Variants in GTF2E2 observed in about 807,000 individuals in gnomAD.
GTF2E2 encodes transcription initiation factor IIE subunit beta.
Under a neutral mutation model 40.5 loss-of-function variants are expected in GTF2E2, and 21 were observed. That is an observed-to-expected ratio of 0.52 (90% CI 0.37 to 0.75). The LOEUF is 0.75. GTF2E2 is among the 30% of genes least tolerant of loss of function. GTF2E2 has a pLI of 0.00. For missense variants in GTF2E2, 298 were observed against 338.4 expected (o/e 0.88, Z 0.94); for synonymous variants, 117 against 121.6 (o/e 0.96, Z 0.25).
At chr8:30,623,743 G>C (rs1414809979) in intron 3 of GTF2E2, among the ~76,000 whole-genome samples, 3 of 152,018 alleles carry the variant, frequency 2.0e-5, no homozygotes, top group Non-Finnish European at 2.9e-5. Context: ...TTGTGGTTTT[G>C]ATTTGCATTT....
intron 3 of GTF2E2, among the ~76,000 whole-genome samples, chr8:30,626,135 A>G (rs1464530867): frequency 1.3e-5 from 2 of 152,224 alleles, no homozygotes; most frequent in East Asian, 3.8e-4. Flanking sequence ...TTACACACCA[A>G]GAGTCAACTG....
intron 6 of GTF2E2, among the ~76,000 whole-genome samples, chr8:30,586,078 AAAC>A (rs958355111): frequency 7.9e-5 from 12 of 152,222 alleles, no homozygotes; most frequent in East Asian, 1.9e-4. Context: ...CCTGTCTCTA[AAAC>A]AACAACAACA....
At chr8:30,592,569 A>T (rs561295176) in intron 6 of GTF2E2, among the ~76,000 whole-genome samples, 1 of 152,334 alleles carries the variant, frequency 6.6e-6, no homozygotes, top group Non-Finnish European at 1.5e-5. Context: ...AGTCTCTGAT[A>T]TCAAATGGTA....
At position 30,580,452 on chromosome 8, in the gene GTF2E2, T is replaced by G. The variant is rs1585928297; in HGVS notation, c.644-56A>C. 19 of 972,572 alleles carry G rather than the reference T, an allele frequency of 2.0e-5. 1 individual carries two copies. In the South Asian group the frequency reaches 2.4e-4, roughly 12 times the overall value. 60.2% of individuals were successfully genotyped at this position (972,572 alleles called of 1,614,324 possible). On this transcript the variant is annotated intron_variant, in intron 6 of 7. Coordinates refer to ENST00000355904, the MANE Select transcript of GTF2E2 (RefSeq NM_002095.6). ...ATCCATTTTTACAAACTATAGCATCTTGATCAAAATCCAGGTTTCAGTGTT... is the reference window on the plus strand; with the variant it reads ...ATCCATTTTTACAAACTATAGCATCGTGATCAAAATCCAGGTTTCAGTGTT...
At chr8:30,606,995 A>T in intron 6 of GTF2E2, 62 bp downstream of exon 6, 1 of 621,702 alleles carries the variant, frequency 1.6e-6, no homozygotes, top group Admixed American at 2.9e-5. Flanking sequence ...TATAAATATT[A>T]ATTTTACCAC....
chr8:30,637,214 G>A (rs1801631429), intron 2 of GTF2E2: 1 of 447,396 alleles, frequency 2.2e-6, no homozygotes, highest in Admixed American at 2.4e-5. Context: ...CACATTTAAT[G>A]CTTGTTTAAG....
At chr8:30,594,054 C>G (rs890097823) in intron 6 of GTF2E2, among the ~76,000 whole-genome samples, 2 of 152,038 alleles carry the variant, frequency 1.3e-5, no homozygotes, top group Admixed American at 6.6e-5. Flanking sequence ...CCTCAGCCCC[C>G]CAAGTAGCTG....
At chr8:30,646,494 A>G (rs7845601) in intron 2 of GTF2E2, among the ~76,000 whole-genome samples, 5,911 of 152,230 alleles carry the variant, frequency 0.039, 394 homozygotes, top group African/African-American at 0.13. Context: ...TGAGCAAACA[A>G]AAGCATGCTC....
At chr8:30,589,827 G>A (rs939640706) in intron 6 of GTF2E2, among the ~76,000 whole-genome samples, 5 of 152,232 alleles carry the variant, frequency 3.3e-5, no homozygotes, top group East Asian at 3.9e-4. Flanking sequence ...CTTTTTACTC[G>A]GGATAAACAC....
intron 2 of GTF2E2, among the ~76,000 whole-genome samples, chr8:30,643,222 T>C (rs929665688): frequency 2.6e-5 from 4 of 152,192 alleles, no homozygotes; most frequent in Admixed American, 1.3e-4. Context: ...TGTTTAAAAA[T>C]AGAGTCCTCA....
At chr8:30,593,332 A>G (rs963083218) in intron 6 of GTF2E2, among the ~76,000 whole-genome samples, 1 of 152,208 alleles carries the variant, frequency 6.6e-6, no homozygotes, top group Non-Finnish European at 1.5e-5. Context: ...TGTTCAATCA[A>G]CTACTGAAAG....
Position 30,580,311 on chromosome 8 carries a change from A to G in GTF2E2, c.729T>C (p.Ser243=). The G allele has an allele frequency of 6.2e-7, 1 of 1,607,904 alleles. No individual in the cohort carries two copies. ...TCTTTGGTCCAGATTCCTGCATGGA[A>G]GAAATACCCTGTCGCTTCAGATATT... ...IEEYLKRQGI[S]SMQESGPKKV... The change falls in exon 7 of 8, where the codon TCT becomes TCC. Residue 243 remains serine (S), a synonymous_variant. Coordinates refer to ENST00000355904, the MANE Select transcript of GTF2E2 (RefSeq NM_002095.6).
At chr8:30,582,326 A>G (rs1828538703) in intron 6 of GTF2E2, among the ~76,000 whole-genome samples, 2 of 152,304 alleles carry the variant, frequency 1.3e-5, no homozygotes, top group South Asian at 2.1e-4. Flanking sequence ...TGTCTGGCCT[A>G]TATTTTTCTT....
chr8:30,642,437 T>C (rs1479611118), intron 2 of GTF2E2, among the ~76,000 whole-genome samples: 1 of 152,210 alleles, frequency 6.6e-6, no homozygotes, highest in Non-Finnish European at 1.5e-5. Context: ...TAAGGAATAG[T>C]GCTTTTTATT....
intron 2 of GTF2E2, among the ~76,000 whole-genome samples, chr8:30,651,624 C>T (rs1035640323): frequency 1.3e-5 from 2 of 152,138 alleles, no homozygotes; most frequent in Non-Finnish European, 2.9e-5. Flanking sequence ...TATTCATTGA[C>T]TGGAAGATCT....
chr8:30,601,863 G>A (rs1829190154), intron 6 of GTF2E2, among the ~76,000 whole-genome samples: 1 of 152,202 alleles, frequency 6.6e-6, no homozygotes, highest in African/African-American at 2.4e-5. Flanking sequence ...GAAGAGACCA[G>A]TTATGACATC....
At position 30,639,285 on chromosome 8, in the gene GTF2E2, ACTTC is replaced by A. The variant is rs538822211; in HGVS notation, c.167-4166_167-4163del. On this transcript the variant is annotated intron_variant, in intron 2 of 7. Coordinates refer to ENST00000355904, the MANE Select transcript of GTF2E2 (RefSeq NM_002095.6). The stretch of plus-strand genomic sequence containing the variant: ...GAACAGATAATTTATACAGCTTCAG[ACTTC>A]CTTAACATTTAATTAAAGTATTTCT... Among the ~76,000 whole-genome samples, 571 of 152,280 alleles carry A rather than the reference ACTTC, an allele frequency of 3.7e-3. 7 individuals are homozygous for A. Among genetic ancestry groups the A allele is most frequent in the African/African-American group, 0.012 (503 of 41,564 alleles).
At chr8:30,617,140 A>G (rs1192062533) in intron 3 of GTF2E2, among the ~76,000 whole-genome samples, 3 of 152,118 alleles carry the variant, frequency 2.0e-5, no homozygotes, top group Admixed American at 2.0e-4. Context: ...CCCAAGCTCC[A>G]AGTTCCCTCA....
At chr8:30,632,800 A>G (rs1801480291) in intron 3 of GTF2E2, among the ~76,000 whole-genome samples, 1 of 152,208 alleles carries the variant, frequency 6.6e-6, no homozygotes, top group Admixed American at 6.5e-5. Context: ...AGGACCTAAC[A>G]GAAGCATTAA....
Sources: allele counts gnomAD v4.1 joint callset (sites outside exome capture counted in the v4.1 genomes callset), GRCh38; gene constraint gnomAD v4.1.1; transcripts MANE v1.5; gene names NCBI Gene and HGNC (gene_info 2026-07-23, HGNC 2026-07-21).